The following GPC6 variants were observed in gnomAD, a reference collection of about 807,000 sequenced individuals.
GPC6 encodes glypican-6.
Under a neutral mutation model 55.2 loss-of-function variants are expected in GPC6, and 14 were observed. The observed-to-expected ratio is 0.25, with a 90% CI of 0.17 to 0.40. GPC6 has a LOEUF of 0.40. Among genes scored for constraint, GPC6 ranks in the 10% least tolerant of loss-of-function variants. GPC6 has a pLI of 1.00. For missense variants in GPC6, 641 were observed against 708.5 expected (o/e 0.90, Z 1.08); for synonymous variants, 278 against 259.6 (o/e 1.07, Z -0.68).
chr13:93,278,205 C>T (rs1013386640), intron 1 of GPC6, among the ~76,000 whole-genome samples: 1 of 152,078 alleles, frequency 6.6e-6, no homozygotes, highest in Non-Finnish European at 1.5e-5. Context: ...GAAAGTGCCA[C>T]AGTGATTCAG....
At chr13:93,890,492 G>A (rs1001237288) in intron 3 of GPC6, among the ~76,000 whole-genome samples, 1 of 152,056 alleles carries the variant, frequency 6.6e-6, no homozygotes, top group Non-Finnish European at 1.5e-5. Flanking sequence ...ATATGCATAG[G>A]TTGTTACATC....
chr13:94,157,980 A>G (rs957106240), intron 4 of GPC6, among the ~76,000 whole-genome samples: 1 of 152,152 alleles, frequency 6.6e-6, no homozygotes, highest in African/African-American at 2.4e-5. Context: ...GGACTAAGAG[A>G]AAGAACACAG....
At chr13:93,575,317 CT>C (rs1876605190) in intron 2 of GPC6, among the ~76,000 whole-genome samples, 1 of 152,024 alleles carries the variant, frequency 6.6e-6, no homozygotes, top group African/African-American at 2.4e-5. Context: ...GGTGAATTGT[CT>C]ATTACATATG....
intron 4 of GPC6, among the ~76,000 whole-genome samples, chr13:94,079,146 G>A (rs1885021614): frequency 6.6e-6 from 1 of 151,976 alleles, no homozygotes; most frequent in African/African-American, 2.4e-5. Flanking sequence ...TTAAAGTATG[G>A]GGAGGACAGG....
chr13:94,125,037 T>C (rs1267122663), intron 4 of GPC6, among the ~76,000 whole-genome samples: 1 of 152,058 alleles, frequency 6.6e-6, no homozygotes, highest in Non-Finnish European at 1.5e-5. Flanking sequence ...GGAAAGAATC[T>C]CTCCTAACAG....
At chr13:94,006,937 T>C (rs1882044777) in intron 3 of GPC6, among the ~76,000 whole-genome samples, 1 of 152,188 alleles carries the variant, frequency 6.6e-6, no homozygotes, top group African/African-American at 2.4e-5. Flanking sequence ...AAATTTTCCT[T>C]CTCATGTTTT....
intron 2 of GPC6, among the ~76,000 whole-genome samples, chr13:93,820,237 C>T (rs1272406408): frequency 6.6e-6 from 1 of 151,972 alleles, no homozygotes; most frequent in Non-Finnish European, 1.5e-5. Flanking sequence ...TGGTGATGTA[C>T]AATTGTCCTG....
chr13:93,702,849 G>T (rs1437978826), intron 2 of GPC6, among the ~76,000 whole-genome samples: 1 of 151,978 alleles, frequency 6.6e-6, no homozygotes, highest in Non-Finnish European at 1.5e-5. Context: ...AGGCCTTTCT[G>T]TTGATTAGGC....
chr13:93,793,537 C>T (rs1886110217), intron 2 of GPC6, among the ~76,000 whole-genome samples: 1 of 152,008 alleles, frequency 6.6e-6, no homozygotes, highest in South Asian at 2.1e-4. Flanking sequence ...CATTCTCTTT[C>T]CTTGTGCACT....
intron 2 of GPC6, among the ~76,000 whole-genome samples, chr13:93,634,342 G>C (rs1594329064): frequency 6.6e-6 from 1 of 152,172 alleles, no homozygotes; most frequent in East Asian, 1.9e-4. Context: ...TGAAGACCTA[G>C]TCTAGTCTGG....
intron 1 of GPC6, among the ~76,000 whole-genome samples, chr13:93,385,533 CG>C (rs1875362517): frequency 6.6e-6 from 1 of 152,142 alleles, no homozygotes; most frequent in Non-Finnish European, 1.5e-5. Context: ...GCCAGGGCCC[CG>C]AACAGTGGCA....
At chr13:93,303,931 C>T (rs1878768359) in intron 1 of GPC6, among the ~76,000 whole-genome samples, 1 of 146,500 alleles carries the variant, frequency 6.8e-6, no homozygotes, top group South Asian at 2.1e-4. Context: ...TGTAATGGCA[C>T]AATCTCGGCT....
intron 1 of GPC6, among the ~76,000 whole-genome samples, chr13:93,485,113 C>T (rs1443988321): frequency 1.3e-5 from 2 of 152,164 alleles, no homozygotes; most frequent in East Asian, 3.9e-4. Flanking sequence ...AGAAGAACAA[C>T]AGTAATGGAA....
chr13:93,376,688 A>G (rs1444613238), intron 1 of GPC6, among the ~76,000 whole-genome samples: 2 of 151,964 alleles, frequency 1.3e-5, no homozygotes, highest in Admixed American at 1.3e-4. Flanking sequence ...TTTGTATTCT[A>G]TGGTTAGTAA....
intron 1 of GPC6, among the ~76,000 whole-genome samples, chr13:93,394,064 C>A (rs140790499): frequency 6.6e-6 from 1 of 152,140 alleles, no homozygotes; most frequent in Non-Finnish European, 1.5e-5. Context: ...GAATGGAACC[C>A]CTTCCCCTAA....
intron 1 of GPC6, among the ~76,000 whole-genome samples, chr13:93,541,164 A>G (rs1249106527): frequency 2.3e-5 from 3 of 131,542 alleles, no homozygotes; most frequent in African/African-American, 8.5e-5. Flanking sequence ...TCCTAAAGCT[A>G]TCCCTCCCCC....
chr13:94,277,204 T>C (rs1892243185), intron 4 of GPC6, among the ~76,000 whole-genome samples: 1 of 152,252 alleles, frequency 6.6e-6, no homozygotes, highest in Non-Finnish European at 1.5e-5. Flanking sequence ...TGAGCTTTTT[T>C]TCATATGTTT....
intron 2 of GPC6, among the ~76,000 whole-genome samples, chr13:93,671,889 A>G (rs1281919804): frequency 6.6e-6 from 1 of 152,136 alleles, no homozygotes; most frequent in Non-Finnish European, 1.5e-5. Context: ...ACATGGCTGC[A>G]TGGCATGCTT....
intron 4 of GPC6, among the ~76,000 whole-genome samples, chr13:94,054,564 G>A (rs1312193286): frequency 4.6e-5 from 7 of 152,156 alleles, no homozygotes; most frequent in Admixed American, 1.3e-4. Context: ...ACCTCCTGGC[G>A]GCCAGCTGCT....
Sources: allele counts gnomAD v4.1 joint callset (sites outside exome capture counted in the v4.1 genomes callset), GRCh38; gene constraint gnomAD v4.1.1; transcripts MANE v1.5; gene names NCBI Gene and HGNC (gene_info 2026-07-23, HGNC 2026-07-21).